Variants in MGAT4C observed in about 807,000 individuals in gnomAD.
MGAT4C encodes alpha-1,3-mannosyl-glycoprotein 4-beta-N-acetylglucosaminyltransferase C.
In MGAT4C, 19 loss-of-function variants were observed where a neutral mutation model predicts 40.1. That is an observed-to-expected ratio of 0.47 (90% CI 0.33 to 0.70). MGAT4C has a LOEUF of 0.70. Among genes scored for constraint, MGAT4C ranks in the 30% least tolerant of loss-of-function variants. The pLI is 0.02. For missense variants in MGAT4C, 491 were observed against 563.2 expected (o/e 0.87, Z 1.30); for synonymous variants, 181 against 187.1 (o/e 0.97, Z 0.27).
chr12:86,141,097 G>A (rs1238344511), intron 1 of MGAT4C, among the ~76,000 whole-genome samples: 1 of 152,158 alleles, frequency 6.6e-6, no homozygotes, highest in East Asian at 1.9e-4. Flanking sequence ...GAGCTAGCTT[G>A]CTGGTCTCTG....
chr12:86,076,117 C>T lies in MGAT4C; in HGVS notation c.-56-26394G>A, dbSNP rs956989703. On this transcript the variant is annotated intron_variant, in intron 1 of 4. Coordinates refer to ENST00000611864, the MANE Select transcript of MGAT4C (RefSeq NM_001351288.2). ...CCCAAGTCACCACTTGAATGCTTTGCTGCTTAGAAATTTATTTTGCCAGAT... is the reference window on the plus strand; with the variant it reads ...CCCAAGTCACCACTTGAATGCTTTGTTGCTTAGAAATTTATTTTGCCAGAT... Among the ~76,000 whole-genome samples, 3 of 152,280 alleles carry T rather than the reference C, an allele frequency of 2.0e-5. No homozygotes were observed. In the South Asian group the frequency reaches 6.2e-4, roughly 32 times the overall value.
At chr12:86,109,969 G>A (rs759564755) in intron 1 of MGAT4C, among the ~76,000 whole-genome samples, 10 of 151,528 alleles carry the variant, frequency 6.6e-5, no homozygotes, top group Non-Finnish European at 1.3e-4. Context: ...AGAATGAATA[G>A]GAGTTATTCA....
chr12:86,241,506 G>T (rs1228201905), intron 1 of MGAT4C, among the ~76,000 whole-genome samples: 1 of 151,952 alleles, frequency 6.6e-6, no homozygotes, highest in East Asian at 1.9e-4. Flanking sequence ...CTTATAATTT[G>T]ATACCTCATT....
chr12:86,432,616 T>C (rs1957061390), intron 3 of MGAT4C, among the ~76,000 whole-genome samples: 1 of 152,060 alleles, frequency 6.6e-6, no homozygotes, highest in Non-Finnish European at 1.5e-5. Flanking sequence ...TGTAGATTTG[T>C]AGGCAAAAGA....
chr12:86,407,682 C>T (rs1956502689), intron 3 of MGAT4C, among the ~76,000 whole-genome samples: 1 of 151,952 alleles, frequency 6.6e-6, no homozygotes, highest in African/African-American at 2.4e-5. Flanking sequence ...GATTCAGTTT[C>T]ATAAAACTGT....
intron 1 of MGAT4C, among the ~76,000 whole-genome samples, chr12:86,172,708 T>C (rs2135836488): frequency 6.6e-6 from 1 of 152,222 alleles, no homozygotes; most frequent in Non-Finnish European, 1.5e-5. Flanking sequence ...GAGTTTCAAC[T>C]CAGAGCAAAG....
rs1202119871 is a variant in MGAT4C at position 86,105,772 on chromosome 12, T to A, written c.-56-56049A>T. Among the ~76,000 whole-genome samples, 17 of 152,256 alleles carry A rather than the reference T, an allele frequency of 1.1e-4. 1 individual carries two copies. In the East Asian group the frequency reaches 3.3e-3, roughly 29 times the overall value. On this transcript the variant is annotated intron_variant, in intron 1 of 4. Transcript: ENST00000611864. ...GCCATATAAAGTAATATATTTCTACTCCATTAGGATAATGGTTGGCAAAGA... is the reference window on the plus strand; with the variant it reads ...GCCATATAAAGTAATATATTTCTACACCATTAGGATAATGGTTGGCAAAGA...
At chr12:86,024,895 A>C (rs1890112514) in intron 2 of MGAT4C, among the ~76,000 whole-genome samples, 1 of 151,658 alleles carries the variant, frequency 6.6e-6, no homozygotes, top group Non-Finnish European at 1.5e-5. Flanking sequence ...AAAAATTTCT[A>C]ATACCCGAAC....
chr12:86,285,746 T>C (rs1953338080), intron 4 of MGAT4C, among the ~76,000 whole-genome samples: 1 of 152,008 alleles, frequency 6.6e-6, no homozygotes, highest in South Asian at 2.1e-4. Context: ...CTTTTTACAG[T>C]TATGCTCATG....
rs1413439106 is a variant in MGAT4C at position 85,970,513 on chromosome 12, G to A, written c.*8776C>T. On this transcript the variant is annotated 3_prime_UTR_variant, in exon 5 of 5. Coordinates refer to ENST00000611864, the MANE Select transcript of MGAT4C (RefSeq NM_001351288.2). ...ACTTGTGAATGTTTAGTGTTATCCAGCTATAATTCTTCTAAACATGTCTTG... is the reference window on the plus strand; with the variant it reads ...ACTTGTGAATGTTTAGTGTTATCCAACTATAATTCTTCTAAACATGTCTTG... The A allele has an allele frequency of 6.6e-6, 1 of 151,170 alleles. No homozygotes were observed. The highest frequency in any genetic ancestry group is 1.5e-5 in the Non-Finnish European group (1 of 67,372). The allele number at this position is 151,170 out of a possible 1,614,324, so 9.4% of individuals were successfully genotyped here.
intron 3 of MGAT4C, among the ~76,000 whole-genome samples, chr12:86,404,077 A>T (rs939071315): frequency 6.6e-6 from 1 of 152,088 alleles, no homozygotes; most frequent in African/African-American, 2.4e-5. Context: ...TAGCTACTCG[A>T]GAGGCTGACA....
At chr12:86,502,689 T>C (rs1014690753) in intron 2 of MGAT4C, among the ~76,000 whole-genome samples, 34 of 149,364 alleles carry the variant, frequency 2.3e-4, no homozygotes, top group Non-Finnish European at 3.1e-4. Context: ...GTTCTGCTCA[T>C]ATATATACAC....
intron 2 of MGAT4C, among the ~76,000 whole-genome samples, chr12:86,569,672 C>T (rs1415942295): frequency 6.6e-6 from 1 of 151,958 alleles, no homozygotes; most frequent in Non-Finnish European, 1.5e-5. Context: ...AAAAATTGGG[C>T]AATTCTACTT....
At chr12:86,339,137 G>A (rs1372302966) in intron 3 of MGAT4C, among the ~76,000 whole-genome samples, 2 of 151,988 alleles carry the variant, frequency 1.3e-5, no homozygotes, top group Non-Finnish European at 2.9e-5. Flanking sequence ...TTGTACAGAT[G>A]AAAAAATTGG....
At chr12:86,635,677 G>A (rs1963197805) in intron 2 of MGAT4C, among the ~76,000 whole-genome samples, 1 of 151,642 alleles carries the variant, frequency 6.6e-6, no homozygotes, top group South Asian at 2.1e-4. Flanking sequence ...GTGTGTGTGT[G>A]TGTGTATGTA....
At position 86,007,219 on chromosome 12, in the gene MGAT4C, C is replaced by T. The variant is rs189067484; in HGVS notation, c.-6-17667G>A. On this transcript the variant is annotated intron_variant, in intron 2 of 4. Coordinates refer to ENST00000611864, the MANE Select transcript of MGAT4C (RefSeq NM_001351288.2). Reference sequence around the variant, plus strand: ...GAATTTTACTTACATACATGAAAGACTGCAATATTTTGGGCAGCACAATAC... The same window carrying T: ...GAATTTTACTTACATACATGAAAGATTGCAATATTTTGGGCAGCACAATAC... Among the ~76,000 whole-genome samples the T allele has an allele frequency of 7.1e-3, 1,085 of 152,158 alleles. 13 individuals are homozygous for T. The highest frequency in any genetic ancestry group is 0.024 in the African/African-American group (1,010 of 41,538).
At chr12:86,534,757 T>C (rs1304949388) in intron 2 of MGAT4C, among the ~76,000 whole-genome samples, 3 of 152,160 alleles carry the variant, frequency 2.0e-5, no homozygotes, top group Admixed American at 1.3e-4. Context: ...TTTTGCTTCA[T>C]AATAGATGTA....
intron 1 of MGAT4C, among the ~76,000 whole-genome samples, chr12:86,169,570 G>A (rs1208071141): frequency 1.3e-5 from 2 of 151,842 alleles, no homozygotes; most frequent in African/African-American, 4.8e-5. Flanking sequence ...TCTATATTTT[G>A]TTTACCTTTG....
chr12:86,611,456 TGATAGATAGATAGATAGATA>T (rs5799787), intron 2 of MGAT4C, among the ~76,000 whole-genome samples: 1 of 143,548 alleles, frequency 7.0e-6, no homozygotes, highest in Non-Finnish European at 1.5e-5. Context: ...GATAGATAGA[TGATAGATAGATAGATAGATA>T]GATAGATAGA....
Sources: allele counts gnomAD v4.1 joint callset (sites outside exome capture counted in the v4.1 genomes callset), GRCh38; gene constraint gnomAD v4.1.1; transcripts MANE v1.5; gene names NCBI Gene and HGNC (gene_info 2026-07-23, HGNC 2026-07-21).